ADK: variants seen among roughly 807,000 people sequenced by gnomAD.
ADK encodes the protein N6,N6-dimethyladenosine kinase.
In ADK, 24 loss-of-function variants were observed where a neutral mutation model predicts 44.7. The observed-to-expected ratio is 0.54, with a 90% CI of 0.39 to 0.76. The LOEUF is 0.76. Among genes scored for constraint, ADK ranks in the 30% least tolerant of loss-of-function variants. The pLI is 0.00. For missense variants in ADK, 321 were observed against 425.1 expected (o/e 0.76, Z 2.15); for synonymous variants, 128 against 142.6 (o/e 0.90, Z 0.73).
intron 10 of ADK, among the ~76,000 whole-genome samples, chr10:74,688,296 C>G (rs1855864137): frequency 6.6e-6 from 1 of 152,138 alleles, no homozygotes; most frequent in Admixed American, 6.6e-5. Flanking sequence ...GTCTTATTTA[C>G]TTATTTGTTT....
chr10:74,484,969 G>A (rs1847213485), intron 6 of ADK, among the ~76,000 whole-genome samples: 1 of 151,994 alleles, frequency 6.6e-6, no homozygotes, highest in South Asian at 2.1e-4. Flanking sequence ...ATATCTGTAT[G>A]ATCTCGGGGT....
intron 2 of ADK, among the ~76,000 whole-genome samples, chr10:74,211,678 G>GTA (rs572170886): frequency 1.9e-4 from 29 of 152,240 alleles, no homozygotes; most frequent in Middle Eastern, 6.8e-3. Context: ...ATCCAACATG[G>GTA]TAACCACTAG....
intron 6 of ADK, among the ~76,000 whole-genome samples, chr10:74,470,323 C>T (rs1360989363): frequency 2.0e-5 from 3 of 152,042 alleles, no homozygotes; most frequent in African/African-American, 7.3e-5. Flanking sequence ...CCGCGCCCAG[C>T]CACATTTTCT....
intron 7 of ADK, among the ~76,000 whole-genome samples, chr10:74,581,320 T>C (rs1851367216): frequency 6.6e-6 from 1 of 152,122 alleles, no homozygotes; most frequent in Admixed American, 6.5e-5. Flanking sequence ...CTGGGTAAGA[T>C]GTGGCACTAC....
At chr10:74,402,431 G>A (rs1194192530) in intron 6 of ADK, among the ~76,000 whole-genome samples, 2 of 152,070 alleles carry the variant, frequency 1.3e-5, no homozygotes, top group African/African-American at 4.8e-5. Context: ...TGGAGGCTTT[G>A]TGCGTTTCTT....
rs185997383 is a variant in ADK at position 74,441,505 on chromosome 10, A to G, written c.555+42926A>G. ...GTAGAAATGACTGAAATGTTCATCA[A>G]CTGCTGAATGGATAAATAAAATTAG... On this transcript the variant is annotated intron_variant, in intron 6 of 10. Transcript: ENST00000539909. 1.2e-4 allele frequency among the ~76,000 whole-genome samples: 18 copies of G among 152,364 alleles called. No individual in the cohort carries two copies. In the East Asian group the frequency reaches 2.5e-3, roughly 21 times the overall value.
At position 74,439,957 on chromosome 10, in the gene ADK, A is replaced by G. The variant is rs188294242; in HGVS notation, c.555+41378A>G. 1.5e-4 allele frequency among the ~76,000 whole-genome samples: 23 copies of G among 152,084 alleles called. No individual in the cohort carries two copies. The East Asian group carries it at 4.2e-3, about 28-fold the overall frequency. Reference sequence around the variant, plus strand: ...TTTCTCCTTACAACTTATAATGTAGAAATAGTTTTCTTATAATAAGGTATT... The same window carrying G: ...TTTCTCCTTACAACTTATAATGTAGGAATAGTTTTCTTATAATAAGGTATT... On this transcript the variant is annotated intron_variant, in intron 6 of 10. Transcript: ENST00000539909.
In ADK at chr10:74,475,448, A is replaced by G. The variant is rs897984345; in HGVS notation, c.556-49808A>G. 5.3e-5 allele frequency among the ~76,000 whole-genome samples: 8 copies of G among 152,244 alleles called. No homozygotes were observed. The South Asian group carries it at 1.0e-3, about 20-fold the overall frequency. On this transcript the variant is annotated intron_variant, in intron 6 of 10. Coordinates refer to ENST00000539909, the MANE Select transcript of ADK (RefSeq NM_006721.4). ...GAGAAGGACCAGGCATGGTGACTCA[A>G]TTCTCTAATCCTAACACTTTGGGAT...
chr10:74,523,106 T>G (rs549886638), intron 6 of ADK, among the ~76,000 whole-genome samples: 2 of 152,334 alleles, frequency 1.3e-5, no homozygotes, highest in Admixed American at 1.3e-4. Flanking sequence ...TTAACTTCTC[T>G]ATCTTGCTTT....
intron 9 of ADK, among the ~76,000 whole-genome samples, chr10:74,624,587 A>G (rs1853114233): frequency 1.3e-5 from 2 of 152,108 alleles, no homozygotes; most frequent in African/African-American, 4.8e-5. Flanking sequence ...GTGTTTTTGT[A>G]AGTAATTTAC....
chr10:74,548,614 G>A (rs1006558993), intron 7 of ADK, among the ~76,000 whole-genome samples: 1 of 152,182 alleles, frequency 6.6e-6, no homozygotes, highest in Non-Finnish European at 1.5e-5. Flanking sequence ...AGACTTCATG[G>A]TAGAGATAAA....
chr10:74,293,322 C>T (rs1839695963), intron 3 of ADK, among the ~76,000 whole-genome samples: 1 of 151,960 alleles, frequency 6.6e-6, no homozygotes, highest in Admixed American at 6.5e-5. Context: ...CCACAAATTA[C>T]AAATTATGTT....
intron 3 of ADK, among the ~76,000 whole-genome samples, chr10:74,287,231 G>A (rs1847201224): frequency 6.6e-6 from 1 of 152,160 alleles, no homozygotes; most frequent in Non-Finnish European, 1.5e-5. Context: ...TTGGGAGACT[G>A]AGGCGGGCAG....
At chr10:74,195,071 TACTG>T (rs1360030525) in intron 1 of ADK, among the ~76,000 whole-genome samples, 3 of 129,122 alleles carry the variant, frequency 2.3e-5, no homozygotes, top group Non-Finnish European at 4.9e-5. Flanking sequence ...TTTATAAAAT[TACTG>T]ACCGCTCCCC....
chr10:74,706,662 A>G (rs75314006), intron 10 of ADK, among the ~76,000 whole-genome samples: 3,993 of 152,290 alleles, frequency 0.026, 74 homozygotes, highest in Middle Eastern at 0.051. Context: ...AAATTTTGAA[A>G]TCAGGTAGTA....
At chr10:74,365,836 G>A (rs1340117442) in intron 4 of ADK, among the ~76,000 whole-genome samples, 1 of 152,088 alleles carries the variant, frequency 6.6e-6, no homozygotes, top group Non-Finnish European at 1.5e-5. Flanking sequence ...CAACTTATGA[G>A]GGTTCCAGTT....
At chr10:74,302,744 C>T (rs1840102162) in intron 3 of ADK, among the ~76,000 whole-genome samples, 2 of 152,014 alleles carry the variant, frequency 1.3e-5, no homozygotes. Context: ...TGCAGTGAAC[C>T]CAAATCGTGC....
intron 9 of ADK, among the ~76,000 whole-genome samples, chr10:74,623,371 A>G (rs1853067692): frequency 6.6e-6 from 1 of 152,110 alleles, no homozygotes; most frequent in African/African-American, 2.4e-5. Flanking sequence ...CTTTACACTT[A>G]ATCATAAGGT....
At chr10:74,607,837 G>A (rs1852385751) in intron 9 of ADK, among the ~76,000 whole-genome samples, 1 of 151,154 alleles carries the variant, frequency 6.6e-6, no homozygotes, top group Non-Finnish European at 1.5e-5. Context: ...TTCCAACTTG[G>A]TTCCATTCTC....
Sources: gnomAD v4.1 joint callset for allele counts (sites outside exome capture counted in the v4.1 genomes callset) on GRCh38, gnomAD v4.1.1 for gene constraint, MANE v1.5 for transcripts, NCBI Gene and HGNC (gene_info 2026-07-23, HGNC 2026-07-21) for gene names.